ACSM4: variants seen among roughly 807,000 people sequenced by gnomAD.
The protein encoded by ACSM4 is acyl-CoA synthetase medium chain family member 4.
A neutral mutation model predicts 73.0 loss-of-function variants in ACSM4; 66 were observed. That is an observed-to-expected ratio of 0.90 (90% CI 0.74 to 1.11). The LOEUF (loss-of-function observed/expected upper bound fraction) is 1.11. Among genes scored for constraint, ACSM4 ranks in the 50% least tolerant of loss-of-function variants. ACSM4 has a pLI of 0.00. For missense variants in ACSM4, 645 were observed against 714.4 expected (o/e 0.90, Z 1.11); for synonymous variants, 222 against 254.0 (o/e 0.87, Z 1.20).
intron 3 of ACSM4, among the ~76,000 whole-genome samples, chr12:7,316,812 T>C (rs375878491): frequency 6.6e-6 from 1 of 152,326 alleles, no homozygotes; most frequent in East Asian, 1.9e-4. Flanking sequence ...AGACTTTTTC[T>C]TAAAACACAC....
intron 2 of ACSM4, among the ~76,000 whole-genome samples, chr12:7,309,618 G>C (rs1011298268): frequency 1.3e-5 from 2 of 152,072 alleles, no homozygotes; most frequent in Non-Finnish European, 1.5e-5. Flanking sequence ...GCCCAGGCTG[G>C]TCTCAAACTC....
intron 2 of ACSM4, among the ~76,000 whole-genome samples, chr12:7,309,329 T>C (rs1946377825): frequency 6.6e-6 from 1 of 152,188 alleles, no homozygotes; most frequent in Non-Finnish European, 1.5e-5. Flanking sequence ...ATTCCGTCAA[T>C]GGGCACAACC....
intron 6 of ACSM4, among the ~76,000 whole-genome samples, chr12:7,321,980 C>G (rs1946467180): frequency 6.6e-6 from 1 of 152,158 alleles, no homozygotes; most frequent in African/African-American, 2.4e-5. Flanking sequence ...AGGCTTTCGG[C>G]AAGTTCTTTA....
chr12:7,314,550 A>G (rs1026315516), intron 3 of ACSM4, among the ~76,000 whole-genome samples: 1 of 152,078 alleles, frequency 6.6e-6, no homozygotes, highest in African/African-American at 2.4e-5. Context: ...AGGTAGGTAG[A>G]TAGGTAGATA....
rs1946363467 is a variant in ACSM4, at chr12:7,306,615, G to A, written c.284G>A (p.Gly95Asp). The A allele has an allele frequency of 6.2e-7, 1 of 1,604,172 alleles. No homozygotes were observed. The highest frequency in any genetic ancestry group is 8.5e-7 in the Non-Finnish European group (1 of 1,175,466). Residue 95 changes from glycine (G) to aspartate (D), a missense_variant, in exon 2 of 13, where the codon GGC becomes GAC. Physicochemically the swap from Gly to Asp is moderately conservative, Grantham distance 94. Transcript: ENST00000399422. ...DEVKWSFREL[G>D]SLSRKAANVL... ...GTAAAATGGAGCTTCAGAGAACTGG[G>A]CTCCTTGTCCCGAAAAGCTGCCAAC...
At chr12:7,307,485 C>G (rs1047166841) in intron 2 of ACSM4, among the ~76,000 whole-genome samples, 7 of 152,054 alleles carry the variant, frequency 4.6e-5, no homozygotes, top group East Asian at 1.9e-4. Flanking sequence ...AAAGATACAA[C>G]AAGAAGAAAA....
Position 7,310,619 on chromosome 12 carries a change from A to T in ACSM4, c.493A>T (p.Ile165Phe). ...GCTGCGAGCATCCAAGGCCAAGTGCATTGTGGCCAGTGAGGAGGTGGCCCC... is the reference window on the plus strand; with the variant it reads ...GCTGCGAGCATCCAAGGCCAAGTGCTTTGTGGCCAGTGAGGAGGTGGCCCC... ...YRLRASKAKC[I>F]VASEEVAPAV... Residue 165 changes from isoleucine (I) to phenylalanine (F), a missense_variant, in exon 3 of 13, where the codon ATT becomes TTT. Ile to Phe is a conservative substitution (Grantham distance 21). Coordinates refer to ENST00000399422, the MANE Select transcript of ACSM4 (RefSeq NM_001080454.2). The T allele has an allele frequency of 6.2e-7, 1 of 1,613,296 alleles. No individual in the cohort carries two copies.
chr12:7,328,556 T>A lies in ACSM4; in HGVS notation c.*183T>A, dbSNP rs1271498360. The A allele has an allele frequency of 7.2e-5, 27 of 376,040 alleles. No individual in the cohort carries two copies. The highest frequency in any genetic ancestry group is 8.7e-5 in the Non-Finnish European group (18 of 207,774). 23.3% of individuals were successfully genotyped at this position (376,040 alleles called of 1,614,324 possible). ...AAAGTAAATAAAAGCCTCAAAAACG[T>A]ATGGATGAAAATTGTTATAATGACC... On this transcript the variant is annotated 3_prime_UTR_variant, in exon 13 of 13. Coordinates refer to ENST00000399422, the MANE Select transcript of ACSM4 (RefSeq NM_001080454.2).
chr12:7,311,187 A>T (rs972153702), intron 3 of ACSM4, among the ~76,000 whole-genome samples: 7 of 151,938 alleles, frequency 4.6e-5, no homozygotes, highest in African/African-American at 1.7e-4. Flanking sequence ...TAAATAAATA[A>T]ATAAAATAAA....
At position 7,310,598 on chromosome 12, in the gene ACSM4, C is replaced by T. The variant is rs746836708; in HGVS notation, c.472C>T (p.Arg158Ter). Residue 158 changes from arginine to a stop codon, truncating the protein, a stop_gained, in exon 3 of 13, where the codon CGA becomes TGA. Transcript: ENST00000399422. LOFTEE classifies it high-confidence loss of function. ...AGCAAAAGACATCCTCTACCGGCTG[C>T]GAGCATCCAAGGCCAAGTGCATTGT... ...LTAKDILYRL[R>*]ASKAKCIVAS... 10 of 1,612,522 alleles carry T rather than the reference C, an allele frequency of 6.2e-6. No homozygotes were observed. The highest frequency in any genetic ancestry group is 1.3e-5 in the African/African-American group (1 of 74,996).
chr12:7,321,025 C>G (rs1012989388), intron 6 of ACSM4, among the ~76,000 whole-genome samples: 2 of 152,180 alleles, frequency 1.3e-5, no homozygotes, highest in Non-Finnish European at 2.9e-5. Flanking sequence ...TCCTCCTCCC[C>G]ATTTGTGAAA....
chr12:7,322,575 T>C (rs749205080), intron 7 of ACSM4, 34 bp downstream of exon 7: 3 of 1,576,548 alleles, frequency 1.9e-6, no homozygotes, highest in Non-Finnish European at 2.6e-6. Flanking sequence ...TTAGTATATG[T>C]GGGGGCCTTT....
chr12:7,321,995 C>A (rs1946467234), intron 6 of ACSM4, among the ~76,000 whole-genome samples: 1 of 152,200 alleles, frequency 6.6e-6, no homozygotes, highest in Admixed American at 6.5e-5. Flanking sequence ...TCTTTAACCT[C>A]TCTGAACCTC....
intron 5 of ACSM4, among the ~76,000 whole-genome samples, chr12:7,319,257 C>A (rs1054456397): frequency 2.0e-5 from 3 of 152,038 alleles, no homozygotes; most frequent in Non-Finnish European, 4.4e-5. Flanking sequence ...CTAATGCCAC[C>A]ATTGACCTGA....
chr12:7,324,730 T>A, intron 11 of ACSM4, 132 bp downstream of exon 11: 1 of 955,308 alleles, frequency 1.0e-6, no homozygotes. Flanking sequence ...GGCCAAAATA[T>A]AAATCAGGCA....
chr12:7,325,375 G>A (rs899457478), intron 11 of ACSM4, among the ~76,000 whole-genome samples: 2 of 152,166 alleles, frequency 1.3e-5, no homozygotes, highest in Admixed American at 6.5e-5. Context: ...GGCTGGGCAC[G>A]GTGGCTCACG....
At chr12:7,321,566 G>T (rs2136335582) in intron 6 of ACSM4, among the ~76,000 whole-genome samples, 1 of 152,312 alleles carries the variant, frequency 6.6e-6, no homozygotes, top group South Asian at 2.1e-4. Flanking sequence ...TGAAACATCA[G>T]CATCTTGTTC....
At chr12:7,323,623 C>A in intron 9 of ACSM4, 63 bp downstream of exon 9, 1 of 1,425,284 alleles carries the variant, frequency 7.0e-7, no homozygotes, top group Non-Finnish European at 9.8e-7. Context: ...TCATTTCCAC[C>A]GTGTCTTGCT....
intron 5 of ACSM4, among the ~76,000 whole-genome samples, chr12:7,319,595 A>G (rs1422802752): frequency 6.6e-6 from 1 of 151,626 alleles, no homozygotes; most frequent in Non-Finnish European, 1.5e-5. Context: ...GTCTCAAAAA[A>G]AAAAAAAAAA....
Sources: gnomAD v4.1 joint callset for allele counts (sites outside exome capture counted in the v4.1 genomes callset) on GRCh38, gnomAD v4.1.1 for gene constraint, MANE v1.5 for transcripts, NCBI Gene and HGNC (gene_info 2026-07-23, HGNC 2026-07-21) for gene names.